GRM5: variants seen among roughly 807,000 people sequenced by gnomAD.
The protein encoded by GRM5 is metabotropic glutamate receptor 5.
GRM5 carries 19 observed loss-of-function variants against 83.1 expected under a neutral mutation model. The ratio of observed to expected loss-of-function variants is 0.23; its 90% CI spans 0.16 to 0.34. The LOEUF is 0.34. Ranked by LOEUF, GRM5 falls within the 10% of genes least tolerant of loss-of-function variation. The probability of loss-of-function intolerance (pLI) is 1.00; values close to 1 mark genes in which losing one functional copy is unlikely to be tolerated. For synonymous variants in GRM5, 675 were observed against 633.6 expected (o/e 1.07, Z -0.98); for missense variants, 1,160 against 1,588.3 (o/e 0.73, Z 4.58).
At chr11:88,921,313 T>A in intron 2 of GRM5, among the ~76,000 whole-genome samples, 1 of 152,148 alleles carries the variant, frequency 6.6e-6, no homozygotes, top group East Asian at 1.9e-4. Context: ...CATTCTTTTA[T>A]GGTAAAAATC....
intron 2 of GRM5, among the ~76,000 whole-genome samples, chr11:89,016,182 A>C (rs1271754364): frequency 2.0e-5 from 3 of 149,970 alleles, no homozygotes; most frequent in African/African-American, 7.3e-5. Context: ...ATAAATATAT[A>C]GAACCATTAT....
At chr11:88,521,406 ACT>A (rs1941686057) in intron 9 of GRM5, among the ~76,000 whole-genome samples, 1 of 151,888 alleles carries the variant, frequency 6.6e-6, no homozygotes. Context: ...GACATTGCAG[ACT>A]CTGACTGAGA....
intron 1 of GRM5, among the ~76,000 whole-genome samples, chr11:89,054,201 T>C (rs569147279): frequency 1.3e-5 from 2 of 152,248 alleles, no homozygotes; most frequent in East Asian, 3.9e-4. Context: ...ATACGGTAAG[T>C]ACAAGTGGTG....
At chr11:88,838,407 T>C (rs2135527755) in intron 3 of GRM5, among the ~76,000 whole-genome samples, 1 of 152,240 alleles carries the variant, frequency 6.6e-6, no homozygotes, top group South Asian at 2.1e-4. Context: ...AGCAGTCTGT[T>C]CTCTGAACCT....
intron 2 of GRM5, among the ~76,000 whole-genome samples, chr11:88,933,841 A>AAAATTACTC (rs1937800388): frequency 6.6e-6 from 1 of 151,842 alleles, no homozygotes; most frequent in African/African-American, 2.4e-5. Context: ...TGCAGATAAT[A>AAAATTACTC]AAATTACTCC....
chr11:88,757,767 G>T (rs1942426459), intron 3 of GRM5, among the ~76,000 whole-genome samples: 4 of 152,128 alleles, frequency 2.6e-5, no homozygotes, highest in Admixed American at 2.6e-4. Flanking sequence ...TGCTACCTCT[G>T]CCACTGGCAC....
intron 4 of GRM5, among the ~76,000 whole-genome samples, chr11:88,628,433 T>A (rs1938867918): frequency 6.6e-6 from 1 of 152,228 alleles, no homozygotes; most frequent in South Asian, 2.1e-4. Context: ...GTATCAATAC[T>A]TCATTGGAAA....
intron 3 of GRM5, among the ~76,000 whole-genome samples, chr11:88,671,005 T>A (rs1489337801): frequency 6.6e-6 from 1 of 151,998 alleles, no homozygotes; most frequent in Non-Finnish European, 1.5e-5. Context: ...AGAAGAATGT[T>A]CACTGACAGA....
intron 3 of GRM5, among the ~76,000 whole-genome samples, chr11:88,712,060 A>G (rs1941293922): frequency 6.6e-6 from 1 of 152,088 alleles, no homozygotes; most frequent in African/African-American, 2.4e-5. Flanking sequence ...GCACAGTGAC[A>G]GAAGGTATAG....
intron 3 of GRM5, among the ~76,000 whole-genome samples, chr11:88,663,111 G>A (rs1305901564): frequency 6.6e-6 from 1 of 152,162 alleles, no homozygotes. Context: ...CACTTGGAAG[G>A]CCAATGCCTG....
chr11:88,720,313 G>GTATT (rs1555001151), intron 3 of GRM5, among the ~76,000 whole-genome samples: 1 of 151,620 alleles, frequency 6.6e-6, no homozygotes, highest in African/African-American at 2.4e-5. Context: ...TGAGGGGAAA[G>GTATT]TGTTTATACC....
intron 2 of GRM5, among the ~76,000 whole-genome samples, chr11:88,862,159 C>T (rs1252234670): frequency 2.0e-5 from 3 of 152,092 alleles, no homozygotes; most frequent in East Asian, 3.8e-4. Context: ...CAAGTGCCCT[C>T]GACAGAGTGA....
chr11:88,585,990 T>C (rs1293246829), intron 7 of GRM5, among the ~76,000 whole-genome samples: 6 of 152,158 alleles, frequency 3.9e-5, no homozygotes, highest in Admixed American at 2.6e-4. Context: ...CTAATTCTGG[T>C]GTTCCTAAGA....
intron 3 of GRM5, among the ~76,000 whole-genome samples, chr11:88,833,199 T>C (rs1158354511): frequency 6.6e-6 from 1 of 151,998 alleles, no homozygotes; most frequent in Non-Finnish European, 1.5e-5. Flanking sequence ...GAAGAAAATA[T>C]TTGCACAATG....
At chr11:88,813,615 A>T (rs1943621964) in intron 3 of GRM5, among the ~76,000 whole-genome samples, 1 of 152,204 alleles carries the variant, frequency 6.6e-6, no homozygotes, top group African/African-American at 2.4e-5. Context: ...CCCCAGTTTT[A>T]TATCACAACA....
intron 3 of GRM5, among the ~76,000 whole-genome samples, chr11:88,659,875 A>G (rs953716081): frequency 1.6e-5 from 2 of 123,016 alleles, no homozygotes; most frequent in Admixed American, 1.8e-4. Flanking sequence ...CATAAAATGC[A>G]GACAATATAA....
rs184476763 is a variant in GRM5 at position 88,737,596 on chromosome 11, A to C, written c.912-84193T>G. Among the ~76,000 whole-genome samples, 3 of 152,186 alleles carry C rather than the reference A, an allele frequency of 2.0e-5. No homozygotes were observed. The East Asian group carries it at 5.8e-4, about 29-fold the overall frequency. ...CCAAGTATAGTGATCTGTCCTCTGT[A>C]CTGACATGCCAGTATGGAGACAACA... On this transcript the variant is annotated intron_variant, in intron 3 of 9. Transcript: ENST00000305447.
At chr11:88,859,880 C>T (rs1270753084) in intron 2 of GRM5, among the ~76,000 whole-genome samples, 1 of 152,134 alleles carries the variant, frequency 6.6e-6, no homozygotes, top group East Asian at 1.9e-4. Flanking sequence ...ATGATTCAGT[C>T]CCCATGTTGC....
chr11:88,905,820 G>A lies in GRM5; in HGVS notation c.662-55665C>T, dbSNP rs1314689001. ...AGATGAGCAAATGAACAAAATAAAA[G>A]TCTCTGACTCTAGAGAACATCAACC... On this transcript the variant is annotated intron_variant, in intron 2 of 9. Coordinates refer to ENST00000305447, the MANE Select transcript of GRM5 (RefSeq NM_001143831.3). Among the ~76,000 whole-genome samples, 6 of 152,092 alleles carry A rather than the reference G, an allele frequency of 3.9e-5. No homozygotes were observed. In the East Asian group the frequency reaches 1.2e-3, roughly 29 times the overall value.
Sources: gnomAD v4.1 joint callset for allele counts (sites outside exome capture counted in the v4.1 genomes callset) on GRCh38, gnomAD v4.1.1 for gene constraint, MANE v1.5 for transcripts, NCBI Gene and HGNC (gene_info 2026-07-23, HGNC 2026-07-21) for gene names.